Variants in CCDC148 observed in about 807,000 individuals in gnomAD.
CCDC148 encodes the protein coiled-coil domain-containing protein 148.
Under a neutral mutation model 85.7 loss-of-function variants are expected in CCDC148, and 89 were observed. That is an observed-to-expected ratio of 1.04 (90% CI 0.87 to 1.24). CCDC148 has a LOEUF of 1.24. Ranked by LOEUF, CCDC148 falls within the 50% of genes most tolerant of loss-of-function variation. The probability of loss-of-function intolerance (pLI) is 0.00; values close to 1 mark genes in which losing one functional copy is unlikely to be tolerated. For synonymous variants in CCDC148, 230 were observed against 213.9 expected (o/e 1.08, Z -0.66); for missense variants, 692 against 671.7 (o/e 1.03, Z -0.33).
At chr2:158,437,142 C>T (rs965169805) in intron 1 of CCDC148, among the ~76,000 whole-genome samples, 17 of 152,144 alleles carry the variant, frequency 1.1e-4, no homozygotes, top group Non-Finnish European at 1.9e-4. Flanking sequence ...CCAGCATCAT[C>T]CTGATACCAA....
intron 1 of CCDC148, among the ~76,000 whole-genome samples, chr2:158,369,695 T>A (rs539589973): frequency 1.3e-5 from 2 of 152,270 alleles, no homozygotes; most frequent in East Asian, 3.9e-4. Flanking sequence ...TGGTCAGAAC[T>A]TCCAATACTA....
At chr2:158,193,673 T>C (rs1310683859) in intron 11 of CCDC148, among the ~76,000 whole-genome samples, 1 of 152,116 alleles carries the variant, frequency 6.6e-6, no homozygotes, top group Non-Finnish European at 1.5e-5. Flanking sequence ...ACTTTTGAAC[T>C]TTCCCTGTTC....
At chr2:158,331,621 T>C (rs4664244) in intron 7 of CCDC148, among the ~76,000 whole-genome samples, 62,669 of 151,840 alleles carry the variant, frequency 0.41, 13,523 homozygotes, top group South Asian at 0.61. Context: ...AAGTCTCCCA[T>C]TATTATTGTG....
intron 1 of CCDC148, among the ~76,000 whole-genome samples, chr2:158,399,345 T>C (rs1379755237): frequency 6.6e-6 from 1 of 152,082 alleles, no homozygotes; most frequent in Non-Finnish European, 1.5e-5. Context: ...TAGGCCAATA[T>C]ACCTGATGAA....
chr2:158,381,329 T>C (rs1163226140), intron 1 of CCDC148, among the ~76,000 whole-genome samples: 2 of 152,088 alleles, frequency 1.3e-5, no homozygotes, highest in African/African-American at 4.8e-5. Context: ...CACTCCACAA[T>C]AAAAGGATAC....
intron 10 of CCDC148, among the ~76,000 whole-genome samples, chr2:158,233,341 C>A (rs893351530): frequency 2.0e-5 from 3 of 151,112 alleles, no homozygotes; most frequent in Non-Finnish European, 2.9e-5. Flanking sequence ...GGTTCCTGTA[C>A]CCCCTAAAAT....
intron 5 of CCDC148, 27 bp from the exon 6 acceptor site, chr2:158,339,112 G>T: frequency 6.9e-7 from 1 of 1,449,552 alleles, no homozygotes; most frequent in South Asian, 1.2e-5. Flanking sequence ...ACAAGTAGTA[G>T]GCAAATTATT....
intron 10 of CCDC148, among the ~76,000 whole-genome samples, chr2:158,248,626 C>G (rs776726304): frequency 1.3e-5 from 2 of 152,006 alleles, no homozygotes; most frequent in African/African-American, 2.4e-5. Flanking sequence ...ACATGTAACA[C>G]CCTGCATGAA....
intron 11 of CCDC148, among the ~76,000 whole-genome samples, chr2:158,209,931 A>C (rs1686468396): frequency 7.4e-6 from 1 of 134,612 alleles, no homozygotes; most frequent in African/African-American, 3.2e-5. Flanking sequence ...AGCTAGCATC[A>C]TAATGACAGG....
chr2:158,397,009 C>T (rs552760409), intron 1 of CCDC148, among the ~76,000 whole-genome samples: 2 of 151,966 alleles, frequency 1.3e-5, no homozygotes, highest in Non-Finnish European at 2.9e-5. Context: ...AGAGCAGTTT[C>T]TATCTGCTGC....
chr2:158,242,610 C>A (rs1314705312), intron 10 of CCDC148, among the ~76,000 whole-genome samples: 3 of 150,988 alleles, frequency 2.0e-5, no homozygotes, highest in Non-Finnish European at 4.4e-5. Flanking sequence ...TCATGGCCTT[C>A]CACATCTGCT....
At chr2:158,447,039 T>C (rs1196535196) in intron 1 of CCDC148, 1 of 152,238 alleles carries the variant, frequency 6.6e-6, no homozygotes, top group Admixed American at 6.5e-5. Flanking sequence ...GTTTTGCTAT[T>C]ATTAACAATA....
intron 1 of CCDC148, among the ~76,000 whole-genome samples, chr2:158,392,933 A>G (rs1419100531): frequency 4.6e-5 from 7 of 152,100 alleles, no homozygotes; most frequent in Admixed American, 4.6e-4. Context: ...AGTATAGAGG[A>G]GTCAGCTCTG....
At chr2:158,256,636 A>C (rs1199724995) in intron 9 of CCDC148, among the ~76,000 whole-genome samples, 2 of 151,920 alleles carry the variant, frequency 1.3e-5, no homozygotes. Context: ...ATTGCCATTT[A>C]TGAGAGATTA....
chr2:158,176,397 T>A, intron 13 of CCDC148, 124 bp downstream of exon 13: 1 of 897,278 alleles, frequency 1.1e-6, no homozygotes, highest in Non-Finnish European at 1.6e-6. Context: ...GAAGTAAAAA[T>A]TATGCTAATA....
chr2:158,254,900 A>T (rs1417682018), intron 9 of CCDC148, among the ~76,000 whole-genome samples: 1 of 151,424 alleles, frequency 6.6e-6, no homozygotes, highest in African/African-American at 2.4e-5. Flanking sequence ...CCAGACCAAT[A>T]AAACTAGTAT....
intron 10 of CCDC148, among the ~76,000 whole-genome samples, chr2:158,221,574 T>G (rs1302964177): frequency 6.6e-6 from 1 of 152,176 alleles, no homozygotes; most frequent in Non-Finnish European, 1.5e-5. Context: ...GGGGGTCTGT[T>G]GTAGAGGCTG....
Position 158,309,607 on chromosome 2 carries a change from G to A in CCDC148, c.936C>T (p.Arg312=). The change falls in exon 9 of 14, where the codon CGC becomes CGT. Residue 312 remains arginine (R), a synonymous_variant. Transcript: ENST00000283233. ...GGATATTTTGCTGCTCTATAGCAAA[G>A]CGATATTGGTCACAATATTTCTCGT... ...VEHEKYCDQY[R]FAIEQQNILI... The A allele has an allele frequency of 1.2e-6, 2 of 1,613,202 alleles. No homozygotes were observed. Among genetic ancestry groups the A allele is most frequent in the Non-Finnish European group, 1.7e-6 (2 of 1,179,326 alleles).
chr2:158,340,738 A>C (rs559374042), intron 3 of CCDC148, 58 bp from the exon 4 acceptor site: 5 of 997,436 alleles, frequency 5.0e-6, no homozygotes, highest in South Asian at 1.6e-5. Context: ...CTAGGTTTTT[A>C]AAAAATAACC....
Sources: gnomAD v4.1 joint callset for allele counts (sites outside exome capture counted in the v4.1 genomes callset) on GRCh38, gnomAD v4.1.1 for gene constraint, MANE v1.5 for transcripts, NCBI Gene and HGNC (gene_info 2026-07-23, HGNC 2026-07-21) for gene names.